DCDC2: variants seen among roughly 807,000 people sequenced by gnomAD.
The protein encoded by DCDC2 is doublecortin domain containing 2, also known as doublecortin domain-containing protein 2.
A neutral mutation model predicts 50.2 loss-of-function variants in DCDC2; 40 were observed. The observed-to-expected ratio is 0.80, with a 90% confidence interval of 0.62 to 1.04. DCDC2 has a LOEUF of 1.04. Among genes scored for constraint, DCDC2 ranks in the 50% least tolerant of loss-of-function variants. The pLI, the probability that DCDC2 is intolerant of heterozygous loss-of-function variation, is 0.00. For missense variants in DCDC2, 570 were observed against 581.9 expected, an observed-to-expected ratio of 0.98 and a Z score of 0.21; for synonymous variants, 234 against 210.6, an observed-to-expected ratio of 1.11 and a Z score of -0.96.
At chr6:24,338,844 A>G (rs561208891) in intron 2 of DCDC2, among the ~76,000 whole-genome samples, 1 of 152,154 alleles carries the variant, frequency 6.6e-6, no homozygotes, top group Admixed American at 6.5e-5. Context: ...GGGTTTCACC[A>G]TGTTGGCCAG....
chr6:24,357,542 G>T lies in DCDC2; in HGVS notation c.209C>A (p.Thr70Asn), dbSNP rs1178039571. The change falls in exon 1 of 10, where the codon ACT becomes AAT. Residue 70 changes from threonine to asparagine, a missense_variant. Transcript: ENST00000378454. ...GAVRNIYTPRTGHRIRKLDQI... is the reference protein window; with the variant it reads ...GAVRNIYTPRNGHRIRKLDQI... The stretch of plus-strand genomic sequence containing the variant: ...GTCTAGCTTCCGGATTCGGTGGCCA[G>T]TCCGCGGGGTGTAGATGTTCCTGAC... 3.7e-6 allele frequency: 6 copies of T among 1,613,552 alleles called. No homozygotes were observed. In the East Asian group the frequency reaches 8.9e-5, roughly 24 times the overall value.
chr6:24,243,563 GCT>G (rs1190361089), intron 7 of DCDC2, among the ~76,000 whole-genome samples: 2 of 152,138 alleles, frequency 1.3e-5, no homozygotes, highest in Non-Finnish European at 2.9e-5. Flanking sequence ...TATTATTATG[GCT>G]CTCATTTTTA....
At chr6:24,291,236 T>G (rs1002124548) in intron 4 of DCDC2, among the ~76,000 whole-genome samples, 158 bp from the exon 5 acceptor site, 4 of 152,238 alleles carry the variant, frequency 2.6e-5, no homozygotes, top group Non-Finnish European at 4.4e-5. Flanking sequence ...TCCTCATTAT[T>G]GCATTATAGA....
chr6:24,273,756 T>C (rs1158732647), intron 7 of DCDC2, among the ~76,000 whole-genome samples: 1 of 152,222 alleles, frequency 6.6e-6, no homozygotes, highest in Admixed American at 6.5e-5. Flanking sequence ...GAGGATGAAT[T>C]GCAGTAACGC....
intron 6 of DCDC2, among the ~76,000 whole-genome samples, chr6:24,278,475 C>T (rs1253647067): frequency 6.6e-6 from 1 of 152,148 alleles, no homozygotes; most frequent in Non-Finnish European, 1.5e-5. Flanking sequence ...AAATTGTATT[C>T]ACTCAATCCT....
chr6:24,195,988 A>G (rs1395316144), intron 8 of DCDC2, among the ~76,000 whole-genome samples: 1 of 152,210 alleles, frequency 6.6e-6, no homozygotes, highest in Non-Finnish European at 1.5e-5. Flanking sequence ...AGATACTTAC[A>G]TATAGACATA....
At chr6:24,189,037 G>C (rs1761260920) in intron 8 of DCDC2, among the ~76,000 whole-genome samples, 1 of 151,974 alleles carries the variant, frequency 6.6e-6, no homozygotes, top group Non-Finnish European at 1.5e-5. Flanking sequence ...TTAATTATAA[G>C]TAATTGCTCG....
intron 7 of DCDC2, among the ~76,000 whole-genome samples, chr6:24,243,285 G>C (rs1003572555): frequency 1.3e-5 from 2 of 152,252 alleles, no homozygotes; most frequent in Admixed American, 6.5e-5. Flanking sequence ...GCAGATAACA[G>C]AGTCTTACTC....
At chr6:24,381,545 A>G in the DCDC2 span, among the ~76,000 whole-genome samples, 1 of 152,234 alleles carries the variant, frequency 6.6e-6, no homozygotes, top group Non-Finnish European at 1.5e-5. Context: ...AAGTAGACGC[A>G]CTATTAAAAC....
At chr6:24,217,055 A>G (rs1315046341) in intron 7 of DCDC2, among the ~76,000 whole-genome samples, 1 of 152,194 alleles carries the variant, frequency 6.6e-6, no homozygotes, top group Non-Finnish European at 1.5e-5. Context: ...TCAATTTACT[A>G]TAATCACTAA....
At chr6:24,313,656 T>C (rs1401767423) in intron 2 of DCDC2, among the ~76,000 whole-genome samples, 2 of 152,214 alleles carry the variant, frequency 1.3e-5, no homozygotes, top group South Asian at 2.1e-4. Context: ...AGCTTCCACC[T>C]GCAAGGAAAT....
intron 8 of DCDC2, among the ~76,000 whole-genome samples, chr6:24,182,924 T>C (rs934425244): frequency 6.6e-6 from 1 of 152,112 alleles, no homozygotes; most frequent in Non-Finnish European, 1.5e-5. Context: ...AAAAGATGAG[T>C]GGATAATCAA....
At position 24,233,459 on chromosome 6, in the gene DCDC2, C is replaced by T. The variant is rs924087251; in HGVS notation, c.923-28357G>A. 1.1e-4 allele frequency among the ~76,000 whole-genome samples: 17 copies of T among 152,264 alleles called. No homozygotes were observed. The South Asian group carries it at 2.9e-3, about 26-fold the overall frequency. Reference sequence around the variant, plus strand: ...ATGTTACCTATTTTGTATACATTATCGTCATCCCCCAATGAGATTATAAAT... The same window carrying T: ...ATGTTACCTATTTTGTATACATTATTGTCATCCCCCAATGAGATTATAAAT... On this transcript the variant is annotated intron_variant, in intron 7 of 9. Coordinates refer to ENST00000378454, the MANE Select transcript of DCDC2 (RefSeq NM_016356.5).
chr6:24,362,204 AT>A (rs200480755), upstream of DCDC2, among the ~76,000 whole-genome samples: 1 of 150,686 alleles, frequency 6.6e-6, no homozygotes, highest in East Asian at 1.9e-4. Context: ...TTATACAATT[AT>A]TTTTTATTTA....
chr6:24,209,357 T>C (rs560021811), intron 7 of DCDC2, among the ~76,000 whole-genome samples: 9 of 152,218 alleles, frequency 5.9e-5, no homozygotes, highest in South Asian at 2.1e-4. Flanking sequence ...TTATGTGCCA[T>C]GGTTGTCTAG....
chr6:24,201,743 G>C (rs1038699900), intron 8 of DCDC2, among the ~76,000 whole-genome samples: 49 of 151,972 alleles, frequency 3.2e-4, no homozygotes, highest in African/African-American at 9.7e-4. Flanking sequence ...TAACAAAATA[G>C]ACCACTAGCC....
At chr6:24,381,934 GAA>G in the DCDC2 span, among the ~76,000 whole-genome samples, 1 of 129,924 alleles carries the variant, frequency 7.7e-6, no homozygotes, top group Non-Finnish European at 1.6e-5. Context: ...GAGAAAGAAA[GAA>G]AGAAAGAAGA....
intron 2 of DCDC2, among the ~76,000 whole-genome samples, chr6:24,305,445 G>C (rs3843516): frequency 0.08 from 12,171 of 152,034 alleles, 652 homozygotes; most frequent in African/African-American, 0.15. Context: ...GAAACAAAAA[G>C]ATAATTATAA....
At chr6:24,336,405 A>G (rs1206649259) in intron 2 of DCDC2, among the ~76,000 whole-genome samples, 1 of 152,200 alleles carries the variant, frequency 6.6e-6, no homozygotes, top group Admixed American at 6.5e-5. Flanking sequence ...TCTTTGTGAA[A>G]TTATGCAAAC....
Sources: gnomAD v4.1 joint callset for allele counts (sites outside exome capture counted in the v4.1 genomes callset) on GRCh38, gnomAD v4.1.1 for gene constraint, MANE v1.5 for transcripts, NCBI Gene and HGNC (gene_info 2026-07-23, HGNC 2026-07-21) for gene names.